Variants in PTPN7 observed in about 807,000 individuals in gnomAD.
The protein encoded by PTPN7 is protein tyrosine phosphatase non-receptor type 7, also known as tyrosine-protein phosphatase non-receptor type 7.
PTPN7 carries 33 observed loss-of-function variants against 50.3 expected under a neutral mutation model. The observed-to-expected ratio is 0.66, with a 90% confidence interval of 0.50 to 0.88. PTPN7 has a LOEUF of 0.88. PTPN7 is among the 40% of genes least tolerant of loss of function. PTPN7 has a pLI of 0.00. For missense variants in PTPN7, 412 were observed against 475.4 expected (o/e 0.87, Z 1.24); for synonymous variants, 185 against 186.6 (o/e 0.99, Z 0.07).
intron 3 of PTPN7, 96 bp downstream of exon 3, chr1:202,158,022 G>C: frequency 7.0e-7 from 1 of 1,434,156 alleles, no homozygotes; most frequent in Non-Finnish European, 9.4e-7. Context: ...GGGCCCAAAG[G>C]GGAGACTTGC....
At chr1:202,155,918 C>T (rs1259462598) in intron 4 of PTPN7, among the ~76,000 whole-genome samples, 6 of 152,170 alleles carry the variant, frequency 3.9e-5, no homozygotes. Context: ...TGCCACCACA[C>T]CTGGCTTGCT....
At chr1:202,160,891 G>A, upstream of PTPN7, 1 of 1,459,450 alleles carries the variant, frequency 6.9e-7, no homozygotes, top group Non-Finnish European at 9.0e-7. The surrounding 1 kb of genome is among the most constrained non-coding windows in gnomAD (Gnocchi z 4.8). Context: ...CTGCCTACTT[G>A]CTGGGCACAG....
At chr1:202,161,154 A>T, upstream of PTPN7, 1 of 1,184,356 alleles carries the variant, frequency 8.4e-7, no homozygotes, top group South Asian at 2.3e-5. Flanking sequence ...AAGAAGAAGC[A>T]AGAATCCATG....
rs892375858 is a variant in PTPN7 at position 202,152,567 on chromosome 1, G to A, written c.850C>T (p.Pro284Ser). 6 of 1,613,484 alleles carry A rather than the reference G, an allele frequency of 3.7e-6. No individual in the cohort carries two copies. Among genetic ancestry groups the A allele is most frequent in the Non-Finnish European group, 5.1e-6 (6 of 1,180,026 alleles). The stretch of plus-strand genomic sequence containing the variant: ...CTGCAGTGGACTACGATAGGCCCGG[G>A]GTGGGCGGCTGTCTCCGGGCTCTCC... ...VEESPETAAH[P>S]GPIVVHCSAG... Residue 284 changes from proline to serine, a missense_variant, in exon 8 of 10, where the codon CCC becomes TCC. By Grantham distance (74) the Pro-to-Ser change is moderately conservative. Coordinates refer to ENST00000691036, the MANE Select transcript of PTPN7 (RefSeq NM_002832.4).
At chr1:202,151,955 G>A (rs1656051586) in intron 8 of PTPN7, among the ~76,000 whole-genome samples, 1 of 152,040 alleles carries the variant, frequency 6.6e-6, no homozygotes, top group South Asian at 2.1e-4. Context: ...GTCTCGCTCT[G>A]TCACCCAGGC....
Position 202,159,361 on chromosome 1 carries a change from C to T in PTPN7, c.42G>A (p.Leu14=). Residue 14 remains leucine (L), a synonymous_variant, in exon 2 of 10, where the codon TTG becomes TTA. Transcript: ENST00000691036. This position sits in a 1 kb window ranked among gnomAD's most constrained non-coding sequence, Gnocchi z 4.6. The part of the protein sequence containing the change: ...AHGGRSRAQP[L]TLSLGAAMTQ... The stretch of plus-strand genomic sequence containing the variant: ...TCATGGCTGCCCCCAAAGACAAGGT[C>T]AACGGCTGTGCTCTGGAGCGCCCCC... 1 of 1,614,206 alleles carries T rather than the reference C, an allele frequency of 6.2e-7. No homozygotes were observed.
Position 202,158,244 on chromosome 1 carries a change from G to A in PTPN7, c.180C>T (p.Pro60=), listed in dbSNP as rs747718674. Residue 60 remains proline (P), a synonymous_variant, in exon 3 of 10, where the codon CCC becomes CCT. Transcript: ENST00000691036. ...CCCGGGGTGTGTTCACAGAGCAGATGGGTTCTACGGCCCCCAGGGACCGAA... is the reference window on the plus strand; with the variant it reads ...CCCGGGGTGTGTTCACAGAGCAGATAGGTTCTACGGCCCCCAGGGACCGAA... ...LDVRSLGAVE[P]ICSVNTPREV... is the part of the protein sequence containing the mutation. 9 of 1,614,090 alleles carry A rather than the reference G, an allele frequency of 5.6e-6. No homozygotes were observed. The East Asian group carries it at 2.0e-4, about 36-fold the overall frequency.
chr1:202,158,529 T>C (rs536750885), intron 2 of PTPN7: 83 of 484,714 alleles, frequency 1.7e-4, no homozygotes, highest in Non-Finnish European at 1.2e-4. Flanking sequence ...CCTGGCTAAT[T>C]TAAGTTTTTT....
At position 202,151,286 on chromosome 1, in the gene PTPN7, C is replaced by T. The variant is rs577514971; in HGVS notation, c.876-862G>A. Reference sequence around the variant, plus strand: ...TCTGGGCCTAACCTGTAACCCTGCTCCCAGCAGTGTATCCATTTTCACATT... The same window carrying T: ...TCTGGGCCTAACCTGTAACCCTGCTTCCAGCAGTGTATCCATTTTCACATT... On this transcript the variant is annotated intron_variant, in intron 8 of 9. Coordinates refer to ENST00000691036, the MANE Select transcript of PTPN7 (RefSeq NM_002832.4). Among the ~76,000 whole-genome samples the T allele has an allele frequency of 7.9e-5, 12 of 152,344 alleles. No homozygotes were observed. In the South Asian group the frequency reaches 2.5e-3, roughly 32 times the overall value.
intron 9 of PTPN7, among the ~76,000 whole-genome samples, chr1:202,149,421 T>C (rs1419792753): frequency 6.6e-6 from 1 of 152,238 alleles, no homozygotes; most frequent in Non-Finnish European, 1.5e-5. Flanking sequence ...GTAGTTTCCA[T>C]TTCCAAAACA....
intron 6 of PTPN7, 39 bp from the exon 7 acceptor site, chr1:202,153,874 TG>T: frequency 6.6e-7 from 1 of 1,525,194 alleles, no homozygotes. Flanking sequence ...GAGGGTCAGC[TG>T]GAGCAGGTGA....
rs116698496 is a variant in PTPN7 at position 202,159,866 on chromosome 1, C to T, written c.-52-412G>A. The T allele has an allele frequency of 3.6e-3, 3,805 of 1,045,142 alleles. 119 individuals are homozygous for T. In the African/African-American group the frequency reaches 0.059, roughly 16 times the overall value. The allele number at this position is 1,045,142 out of a possible 1,614,324, so 64.7% of individuals were successfully genotyped here. On this transcript the variant is annotated intron_variant, in intron 1 of 9. Coordinates refer to ENST00000691036, the MANE Select transcript of PTPN7 (RefSeq NM_002832.4). This position sits in a 1 kb window ranked among gnomAD's most constrained non-coding sequence, Gnocchi z 4.6. The stretch of plus-strand genomic sequence containing the variant: ...TCTCTGAGCTAACCAGTGGGCCTTC[C>T]CCTGAACAGAGAATGGAGGCCTCCA...
rs1655534596 is a variant in PTPN7 at position 202,148,179 on chromosome 1, G to A, written c.*427C>T. ...TCAGCCCCAGGAAGGAGTGGCTGGA[G>A]TGGCTTCTAGAAACTTCTCTCATTA... On this transcript the variant is annotated 3_prime_UTR_variant, in exon 10 of 10. Transcript: ENST00000691036. 6.5e-6 allele frequency: 1 copy of A among 154,468 alleles called. No individual in the cohort carries two copies. Among genetic ancestry groups the A allele is most frequent in the African/African-American group, 2.4e-5 (1 of 41,554 alleles). The allele number at this position is 154,468 out of a possible 1,614,324, so 9.6% of individuals were successfully genotyped here. A position where few individuals can be genotyped will look rare whatever the true frequency, so the allele number is the denominator to read the frequency against.
rs976775347 is a variant in PTPN7, at chr1:202,152,683, C to T, written c.734G>A (p.Arg245Gln). The T allele has an allele frequency of 7.4e-6, 12 of 1,614,044 alleles. No homozygotes were observed. Among genetic ancestry groups the T allele is most frequent in the Admixed American group, 1.7e-5 (1 of 60,026 alleles). The change falls in exon 8 of 10, where the codon CGG becomes CAG. Residue 245 changes from arginine to glutamine, a missense_variant. Coordinates refer to ENST00000691036, the MANE Select transcript of PTPN7 (RefSeq NM_002832.4). ...CGAAAAGAGGATGTGCTTTACTGACCGGCGCTCTTCCTGGTACTGGATTGG... is the reference window on the plus strand; with the variant it reads ...CGAAAAGAGGATGTGCTTTACTGACTGGCGCTCTTCCTGGTACTGGATTGG... ...QLTIQYQEER[R>Q]SVKHILFSAW... is the part of the protein sequence containing the mutation.
rs775401454 is a variant in PTPN7, at chr1:202,158,103, A to G, written c.306+15T>C. 52 of 1,575,124 alleles carry G rather than the reference A, an allele frequency of 3.3e-5. No homozygotes were observed. The highest frequency in any genetic ancestry group is 4.3e-5 in the Non-Finnish European group (50 of 1,161,718). ...CAGAGGGCAGAGCGATTCAGAGGGG[A>G]CCCCAATTTCTTACCAAGAATTCTT... is the stretch of plus-strand genomic sequence containing the variant. On this transcript the variant is annotated intron_variant, in intron 3 of 9. Transcript: ENST00000691036.
Position 202,152,906 on chromosome 1 carries a change from G to T in PTPN7, c.718-207C>A, listed in dbSNP as rs970952968. Among the ~76,000 whole-genome samples the T allele has an allele frequency of 4.6e-5, 7 of 152,304 alleles. 1 individual carries two copies. Among genetic ancestry groups the T allele is most frequent in the Admixed American group, 4.6e-4 (7 of 15,304 alleles). On this transcript the variant is annotated intron_variant, in intron 7 of 9. Transcript: ENST00000691036. Reference sequence around the variant, plus strand: ...GGAAGGAGCATTGTCCTGGGAGAGGGGAGAGACCCAAATTCAAGCCCTGGC... The same window carrying T: ...GGAAGGAGCATTGTCCTGGGAGAGGTGAGAGACCCAAATTCAAGCCCTGGC...
chr1:202,155,786 G>A (rs190157976), intron 4 of PTPN7, among the ~76,000 whole-genome samples, 177 bp from the exon 5 acceptor site: 116 of 152,268 alleles, frequency 7.6e-4, no homozygotes, highest in South Asian at 1.5e-3. Flanking sequence ...TAGAGACAGG[G>A]TCTCATTCTG....
chr1:202,158,353 T>G, intron 2 of PTPN7, 52 bp from the exon 3 acceptor site: 2 of 1,584,644 alleles, frequency 1.3e-6, no homozygotes, highest in East Asian at 2.2e-5. Flanking sequence ...TATTTGCTTT[T>G]CTTTTCTTTT....
At chr1:202,150,589 G>A (rs1475746537) in intron 8 of PTPN7, among the ~76,000 whole-genome samples, 165 bp from the exon 9 acceptor site, 3 of 152,168 alleles carry the variant, frequency 2.0e-5, no homozygotes, top group African/African-American at 4.8e-5. Flanking sequence ...CAGTCCCCTT[G>A]GGGGCCCTGC....
Sources: allele counts gnomAD v4.1 joint callset (sites outside exome capture counted in the v4.1 genomes callset), GRCh38; gene constraint gnomAD v4.1.1; non-coding constraint Gnocchi (gnomAD v3.1); transcripts MANE v1.5; gene names NCBI Gene and HGNC (gene_info 2026-07-23, HGNC 2026-07-21).